Variants in RBFOX1 observed in about 807,000 individuals in gnomAD.
RBFOX1 encodes RNA binding fox-1 homolog 1, also known as RNA binding protein fox-1 homolog 1.
Under a neutral mutation model 57.7 loss-of-function variants are expected in RBFOX1, and 8 were observed. The observed-to-expected ratio is 0.14, with a 90% CI of 0.08 to 0.25. The LOEUF is 0.25. Among genes scored for constraint, RBFOX1 ranks in the 10% least tolerant of loss-of-function variants. The pLI, the probability that RBFOX1 is intolerant of heterozygous loss-of-function variation, is 1.00. For synonymous variants in RBFOX1, 326 were observed against 222.4 expected, an observed-to-expected ratio of 1.47 and a Z score of -4.15; for missense variants, 611 against 548.5, an observed-to-expected ratio of 1.11 and a Z score of -1.14.
chr16:7,278,133 A>G (rs1484728208), intron 4 of RBFOX1, among the ~76,000 whole-genome samples: 3 of 152,170 alleles, frequency 2.0e-5, no homozygotes, highest in South Asian at 2.1e-4. Flanking sequence ...TTGGTTTCCA[A>G]AATTGTAAGG....
chr16:6,965,050 T>A (rs570154732), intron 3 of RBFOX1, among the ~76,000 whole-genome samples: 15 of 152,120 alleles, frequency 9.9e-5, no homozygotes, highest in Non-Finnish European at 1.6e-4. Flanking sequence ...TTCTCCTCCT[T>A]CCCTGGAGTC....
At chr16:6,577,904 A>C (rs1306403846) in intron 2 of RBFOX1, among the ~76,000 whole-genome samples, 2 of 152,228 alleles carry the variant, frequency 1.3e-5, no homozygotes, top group Non-Finnish European at 2.9e-5. Context: ...ATCATTTTTT[A>C]CTGCAATGTC....
chr16:6,570,246 A>G (rs1479616985), intron 2 of RBFOX1, among the ~76,000 whole-genome samples: 4 of 152,164 alleles, frequency 2.6e-5, no homozygotes, highest in Non-Finnish European at 5.9e-5. Flanking sequence ...CCCATTGTGT[A>G]TTGTTCCCCC....
At chr16:7,528,488 T>G (rs1239163327) in intron 5 of RBFOX1, among the ~76,000 whole-genome samples, 1 of 152,144 alleles carries the variant, frequency 6.6e-6, no homozygotes, top group Non-Finnish European at 1.5e-5. Context: ...TATTTATTTA[T>G]TTATGTGAGA....
chr16:5,926,613 A>T (rs1376488632), intron 4 of RBFOX1, among the ~76,000 whole-genome samples: 1 of 151,824 alleles, frequency 6.6e-6, no homozygotes, highest in African/African-American at 2.4e-5. Flanking sequence ...AATCACCTAA[A>T]TCTCAATCTC....
chr16:5,439,454 A>C (rs1213229163), intron 1 of RBFOX1, among the ~76,000 whole-genome samples: 7 of 152,166 alleles, frequency 4.6e-5, no homozygotes, highest in African/African-American at 1.7e-4. Context: ...CTGTTGCAGC[A>C]CTTCCAATGG....
intron 2 of RBFOX1, among the ~76,000 whole-genome samples, chr16:6,542,036 C>G (rs942760509): frequency 1.3e-5 from 2 of 151,762 alleles, no homozygotes; most frequent in African/African-American, 4.8e-5. Context: ...AGCCTCAAAC[C>G]TCCCATCTCA....
chr16:5,692,725 GAGAATTCA>G (rs1313161736), intron 3 of RBFOX1, among the ~76,000 whole-genome samples: 5 of 152,110 alleles, frequency 3.3e-5, no homozygotes, highest in Non-Finnish European at 7.3e-5. Flanking sequence ...TTGGTTTGTT[GAGAATTCA>G]AGCCAGCAAA....
intron 4 of RBFOX1, among the ~76,000 whole-genome samples, chr16:7,125,147 G>C (rs12446089): frequency 0.093 from 14,225 of 152,204 alleles, 783 homozygotes; most frequent in African/African-American, 0.14. Flanking sequence ...GGAAGAAAGA[G>C]GTAACACTGC....
chr16:7,549,429 C>G (rs982974833), intron 5 of RBFOX1, among the ~76,000 whole-genome samples: 1 of 152,140 alleles, frequency 6.6e-6, no homozygotes, highest in Non-Finnish European at 1.5e-5. Context: ...TATTACGGTT[C>G]TCTAAAGGGA....
chr16:7,369,120 C>T (rs4291918), intron 4 of RBFOX1, among the ~76,000 whole-genome samples: 1 of 151,998 alleles, frequency 6.6e-6, no homozygotes, highest in Non-Finnish European at 1.5e-5. Context: ...TTTCACAACT[C>T]AGCGTGGATT....
intron 4 of RBFOX1, among the ~76,000 whole-genome samples, chr16:7,479,718 G>T (rs990905217): frequency 7.2e-5 from 11 of 152,162 alleles, no homozygotes. Context: ...CACCTGGAGG[G>T]GGGGCAGGTG....
At chr16:7,359,469 C>A (rs2097278692) in intron 4 of RBFOX1, among the ~76,000 whole-genome samples, 1 of 152,164 alleles carries the variant, frequency 6.6e-6, no homozygotes, top group African/African-American at 2.4e-5. Flanking sequence ...ATGCTTTTTA[C>A]TACTCCCTGT....
intron 3 of RBFOX1, among the ~76,000 whole-genome samples, chr16:6,844,552 A>G (rs1368505289): frequency 6.6e-6 from 1 of 151,944 alleles, no homozygotes; most frequent in Non-Finnish European, 1.5e-5. Flanking sequence ...CATGGTGTAT[A>G]TGTACGACTT....
chr16:6,288,555 T>G (rs2077130883), intron 1 of RBFOX1, among the ~76,000 whole-genome samples: 2 of 152,188 alleles, frequency 1.3e-5, no homozygotes, highest in Admixed American at 6.5e-5. Context: ...TGCGTCATTT[T>G]TGTTATCTCC....
chr16:5,982,023 G>T (rs567236574), intron 4 of RBFOX1, among the ~76,000 whole-genome samples: 3 of 152,204 alleles, frequency 2.0e-5, no homozygotes, highest in Admixed American at 6.5e-5. Context: ...AGTCTATGCA[G>T]ATTGAGGAGT....
At chr16:6,951,700 C>A (rs62017755) in intron 3 of RBFOX1, among the ~76,000 whole-genome samples, 2 of 151,944 alleles carry the variant, frequency 1.3e-5, no homozygotes, top group Admixed American at 6.6e-5. Context: ...CAAATGTCCA[C>A]CCAGATTCAA....
chr16:5,314,829 GA>G (rs35632580), intron 1 of RBFOX1, among the ~76,000 whole-genome samples: 172 of 139,398 alleles, frequency 1.2e-3, no homozygotes, highest in African/African-American at 1.9e-3. Flanking sequence ...GAAGATATTG[GA>G]AAAAAAAAAA....
At chr16:7,455,390 C>G (rs562571109) in intron 4 of RBFOX1, among the ~76,000 whole-genome samples, 2 of 152,302 alleles carry the variant, frequency 1.3e-5, no homozygotes, top group East Asian at 3.9e-4. Flanking sequence ...AGGTTTCTAT[C>G]CAGCCTTACT....
Sources: gnomAD v4.1 joint callset for allele counts (sites outside exome capture counted in the v4.1 genomes callset) on GRCh38, gnomAD v4.1.1 for gene constraint, MANE v1.5 for transcripts, NCBI Gene and HGNC (gene_info 2026-07-23, HGNC 2026-07-21) for gene names.